ALG9: variants seen among roughly 807,000 people sequenced by gnomAD.
The protein encoded by ALG9 is ALG9 alpha-1,2-mannosyltransferase, also known as alpha-1,2-mannosyltransferase ALG9.
In ALG9, 55 loss-of-function variants were observed where a neutral mutation model predicts 81.8. That is an observed-to-expected ratio of 0.67 (90% confidence interval 0.54 to 0.84). ALG9 has a LOEUF of 0.84. ALG9 is among the 40% of genes least tolerant of loss of function. The pLI is 0.00. For missense variants in ALG9, 629 were observed against 745.0 expected (o/e 0.84, Z 1.81); for synonymous variants, 278 against 274.3 (o/e 1.01, Z -0.13).
chr11:111,859,763 A>G (rs1959375164), intron 5 of ALG9, among the ~76,000 whole-genome samples: 1 of 152,066 alleles, frequency 6.6e-6, no homozygotes, highest in South Asian at 2.1e-4. Flanking sequence ...GATATATTCA[A>G]TAAGGGAAAA....
At chr11:111,813,222 AAAAG>A (rs1369845779) in intron 13 of ALG9, among the ~76,000 whole-genome samples, 1 of 152,244 alleles carries the variant, frequency 6.6e-6, no homozygotes, top group Admixed American at 6.5e-5. Context: ...GATCTTGGGT[AAAAG>A]AGTTTGTGGA....
At position 111,842,034 on chromosome 11, in the gene ALG9, T is replaced by C. The variant is rs573476071; in HGVS notation, c.1019-1225A>G. 5.4e-4 allele frequency among the ~76,000 whole-genome samples: 82 copies of C among 152,116 alleles called. No homozygotes were observed. The East Asian group carries it at 6.4e-3, about 12-fold the overall frequency. On this transcript the variant is annotated intron_variant, in intron 9 of 14. Transcript: ENST00000616540. Reference sequence around the variant, plus strand: ...GCCTCAGCCTCCTTAGTAGCTGGGATTACAGGCATGCATCAACACACCAGG... The same window carrying C: ...GCCTCAGCCTCCTTAGTAGCTGGGACTACAGGCATGCATCAACACACCAGG...
chr11:111,778,650 GTC>G (rs1437773072), downstream of ALG9, among the ~76,000 whole-genome samples: 2 of 151,966 alleles, frequency 1.3e-5, no homozygotes, highest in African/African-American at 2.4e-5. Flanking sequence ...GTGATTGTTA[GTC>G]TCTCAGTCTT....
At chr11:111,777,878 G>C (rs1385466419), downstream of ALG9, among the ~76,000 whole-genome samples, 1 of 152,322 alleles carries the variant, frequency 6.6e-6, no homozygotes, top group South Asian at 2.1e-4. Flanking sequence ...ATGGTATCTT[G>C]TTGTTGGTTG....
the ALG9 span, among the ~76,000 whole-genome samples, chr11:111,768,202 G>A: frequency 6.6e-6 from 1 of 152,208 alleles, no homozygotes; most frequent in Non-Finnish European, 1.5e-5. Context: ...GTCACTTGGT[G>A]GCATAGGCAT....
intron 8 of ALG9, among the ~76,000 whole-genome samples, chr11:111,847,008 A>T (rs558240734): frequency 6.6e-6 from 1 of 152,090 alleles, no homozygotes; most frequent in Non-Finnish European, 1.5e-5. Context: ...CAAATGAGCT[A>T]AGGGAAGCTT....
At chr11:111,780,838 G>A (rs556148578), downstream of ALG9, among the ~76,000 whole-genome samples, 133 of 152,276 alleles carry the variant, frequency 8.7e-4, no homozygotes, top group African/African-American at 3.1e-3. Flanking sequence ...ACCACGCTGA[G>A]CACCGGGAAT....
rs548536589 is a variant in ALG9, at chr11:111,791,997, C to T, written c.1734-5477G>A. 2.6e-5 allele frequency among the ~76,000 whole-genome samples: 4 copies of T among 152,314 alleles called. No homozygotes were observed. The East Asian group carries it at 7.7e-4, about 29-fold the overall frequency. On this transcript the variant is annotated intron_variant, in intron 14 of 14. Coordinates refer to ENST00000616540, the MANE Select transcript of ALG9 (RefSeq NM_024740.2). The stretch of plus-strand genomic sequence containing the variant: ...ATTTGGGAGGCTGAGGCAGGAGAAT[C>T]GGTTGAACCCGGGAGGTGGAGGTCG...
intron 13 of ALG9, among the ~76,000 whole-genome samples, chr11:111,813,573 A>C (rs1234806899): frequency 1.3e-5 from 2 of 152,212 alleles, no homozygotes; most frequent in Non-Finnish European, 2.9e-5. Context: ...GAATTAAAAA[A>C]ACACAGAATG....
intron 6 of ALG9, among the ~76,000 whole-genome samples, chr11:111,857,147 C>T (rs1335815535): frequency 4.6e-5 from 7 of 151,908 alleles, no homozygotes; most frequent in Non-Finnish European, 8.8e-5. Context: ...AGAAGGAAGA[C>T]GGGAGGAAAC....
At chr11:111,848,383 C>T (rs1957226104) in intron 8 of ALG9, among the ~76,000 whole-genome samples, 1 of 151,946 alleles carries the variant, frequency 6.6e-6, no homozygotes. Flanking sequence ...CCTTTGAAAA[C>T]CAGGAACAGT....
At chr11:111,841,826 G>C (rs1592217477) in intron 9 of ALG9, among the ~76,000 whole-genome samples, 1 of 152,168 alleles carries the variant, frequency 6.6e-6, no homozygotes, top group Non-Finnish European at 1.5e-5. Context: ...TTTGCTCTAA[G>C]ACATTATGGG....
At position 111,870,274 on chromosome 11, in the gene ALG9, G is replaced by C. The variant is rs181980420; in HGVS notation, c.228C>G (p.Ser76Arg). The C allele has an allele frequency of 1.2e-6, 2 of 1,611,332 alleles. No individual in the cohort carries two copies. Among genetic ancestry groups the C allele is most frequent in the African/African-American group, 2.7e-5 (2 of 74,538 alleles). ...ATGTTTCATCACAGTCAGAGATGTTGCTCAGGAGAGCAGCACATAACCTTG... is the reference window on the plus strand; with the variant it reads ...ATGTTTCATCACAGTCAGAGATGTTCCTCAGGAGAGCAGCACATAACCTTG... ...LSARLCAALL[S>R]NISDCDETFN... The change falls in exon 2 of 15, where the codon AGC becomes AGG. Residue 76 changes from serine (S) to arginine (R), a missense_variant. Physicochemically the swap from Ser to Arg is moderately radical, Grantham distance 110. Coordinates refer to ENST00000616540, the MANE Select transcript of ALG9 (RefSeq NM_024740.2).
intron 14 of ALG9, among the ~76,000 whole-genome samples, chr11:111,791,102 T>C (rs1947336016): frequency 6.6e-6 from 1 of 152,252 alleles, no homozygotes; most frequent in Non-Finnish European, 1.5e-5. Context: ...TAGACAAATT[T>C]TTAAATAAAG....
At chr11:111,851,191 C>T (rs1555137781) in intron 8 of ALG9, among the ~76,000 whole-genome samples, 2 of 152,034 alleles carry the variant, frequency 1.3e-5, no homozygotes, top group African/African-American at 4.8e-5. Context: ...TATTTAAGAG[C>T]TTCATCCCTG....
chr11:111,823,788 TTGTTTCCCTTCCCAC>T, intron 13 of ALG9, among the ~76,000 whole-genome samples: 1 of 152,328 alleles, frequency 6.6e-6, no homozygotes, highest in East Asian at 1.9e-4. Flanking sequence ...GCTCCAATGG[TTGTTTCCCTTCCCAC>T]TGTTCACATT....
chr11:111,871,065 G>C, intron 1 of ALG9: 1 of 1,169,976 alleles, frequency 8.5e-7, no homozygotes, highest in South Asian at 3.6e-5. Context: ...CTTTGATCCT[G>C]TCTACATCTC....
chr11:111,853,422 C>A lies in ALG9; in HGVS notation c.853G>T (p.Val285Phe). 1.2e-6 allele frequency: 2 copies of A among 1,614,044 alleles called. No homozygotes were observed. The highest frequency in any genetic ancestry group is 1.7e-6 in the Non-Finnish European group (2 of 1,179,956). Residue 285 changes from valine to phenylalanine, a missense_variant, in exon 8 of 15, where the codon GTT becomes TTT. Physicochemically the swap from Val to Phe is conservative, Grantham distance 50. This residue lies in a region of ALG9 where 344 missense variants were observed against 390.5 expected (regional missense o/e 0.88). Transcript: ENST00000616540. ...TGAGGAGTAAAGACATTATACAAAA[C>A]AATGTTGAGTGGTGCAATCACCAAC... is the stretch of plus-strand genomic sequence containing the variant. Reference protein sequence around the residue: ...GKLVIAPLNIVLYNVFTPHGP... With the variant: ...GKLVIAPLNIFLYNVFTPHGP...
chr11:111,870,382 C>CCAAAAAAAAA lies in ALG9; in HGVS notation c.132-13_132-12insTTTTTTTTTG, dbSNP rs1555157382. On this transcript the variant is annotated splice_polypyrimidine_tract_variant and intron_variant, in intron 1 of 14. Transcript: ENST00000616540. ...TGTTCCCAGATAACCTGTTCAAAAG[C>CCAAAAAAAAA]AAAAAAAAAAAAAAAAAAAAAAGCA... 12 of 973,932 alleles carry CCAAAAAAAAA rather than the reference C, an allele frequency of 1.2e-5. 1 individual carries two copies. Among genetic ancestry groups the CCAAAAAAAAA allele is most frequent in the South Asian group, 2.3e-5 (1 of 42,900 alleles). 60.3% of individuals were successfully genotyped at this position (973,932 alleles called of 1,614,324 possible).
Sources: allele counts gnomAD v4.1 joint callset (sites outside exome capture counted in the v4.1 genomes callset), GRCh38; gene constraint gnomAD v4.1.1; regional missense constraint gnomAD v4.1.1; transcripts MANE v1.5; gene names NCBI Gene and HGNC (gene_info 2026-07-23, HGNC 2026-07-21).